Variants in MBD5 observed in about 807,000 individuals in gnomAD.
The protein encoded by MBD5 is methyl-CpG-binding domain protein 5.
In MBD5, 13 loss-of-function variants were observed where a neutral mutation model predicts 117.3. The ratio of observed to expected loss-of-function variants is 0.11; its 90% CI spans 0.07 to 0.18. The LOEUF (loss-of-function observed/expected upper bound fraction) is 0.18, where lower values mean the gene tolerates loss of function less well. Among genes scored for constraint, MBD5 ranks in the 10% least tolerant of loss-of-function variants. The pLI is 1.00. For synonymous variants in MBD5, 727 were observed against 766.4 expected (o/e 0.95, Z 0.85); for missense variants, 1,879 against 2,093.8 (o/e 0.90, Z 2.00).
At chr2:148,222,431 AT>A (rs1699712006) in intron 2 of MBD5, among the ~76,000 whole-genome samples, 1 of 151,862 alleles carries the variant, frequency 6.6e-6, no homozygotes, top group South Asian at 2.1e-4. Flanking sequence ...GTCCTCTTCA[AT>A]TTCTTTCATC....
intron 4 of MBD5, among the ~76,000 whole-genome samples, chr2:148,377,327 G>A (rs936171917): frequency 6.6e-6 from 1 of 152,116 alleles, no homozygotes; most frequent in Non-Finnish European, 1.5e-5. Context: ...GTCTACCCAG[G>A]TTAAGGGTGG....
chr2:148,412,268 C>CTTTTT (rs1191831742), intron 4 of MBD5, among the ~76,000 whole-genome samples: 4 of 93,080 alleles, frequency 4.3e-5, no homozygotes, highest in African/African-American at 2.2e-4. Flanking sequence ...TTGTAGTATA[C>CTTTTT]TTTTTGTGTG....
intron 1 of MBD5, among the ~76,000 whole-genome samples, chr2:148,121,527 C>T (rs1349036858): frequency 4.0e-5 from 6 of 151,890 alleles, no homozygotes; most frequent in Admixed American, 1.3e-4. Context: ...TTCAAGAAAC[C>T]ATTATTCAAT....
At chr2:148,393,681 C>T (rs536118481) in intron 4 of MBD5, among the ~76,000 whole-genome samples, 17 of 152,312 alleles carry the variant, frequency 1.1e-4, no homozygotes, top group Admixed American at 3.3e-4. Context: ...TCTCCTTGTC[C>T]TTGTCCATTA....
intron 1 of MBD5, among the ~76,000 whole-genome samples, chr2:148,174,745 T>C (rs1218258891): frequency 6.6e-6 from 1 of 151,162 alleles, no homozygotes; most frequent in African/African-American, 2.4e-5. Context: ...AAATCTGTAA[T>C]GATATATAAT....
chr2:148,462,869 A>G (rs1186164085), intron 6 of MBD5, among the ~76,000 whole-genome samples, 185 bp downstream of exon 6: 2 of 152,162 alleles, frequency 1.3e-5, no homozygotes, highest in African/African-American at 2.4e-5. Flanking sequence ...ATTCATGTCT[A>G]AGAGTCATTT....
chr2:148,297,989 C>G lies in MBD5; in HGVS notation c.-679-44225C>G, dbSNP rs57815112. 8.9e-3 allele frequency among the ~76,000 whole-genome samples: 1,353 copies of G among 152,324 alleles called. 11 individuals are homozygous for G. Among genetic ancestry groups the G allele is most frequent in the African/African-American group, 0.03 (1,256 of 41,568 alleles). On this transcript the variant is annotated intron_variant, in intron 3 of 13. Coordinates refer to ENST00000642680, the MANE Select transcript of MBD5 (RefSeq NM_001378120.1). ...AGCCTGAAGCTAAGGTTAGGAACAG[C>G]AGCCCACTTTTCATGCAGTGGCAAA...
At chr2:148,186,872 T>G (rs892385451) in intron 2 of MBD5, among the ~76,000 whole-genome samples, 1 of 152,146 alleles carries the variant, frequency 6.6e-6, no homozygotes, top group Non-Finnish European at 1.5e-5. Flanking sequence ...CAGCAAAGAC[T>G]TTAAAACATC....
intron 4 of MBD5, among the ~76,000 whole-genome samples, chr2:148,373,663 G>A (rs555067002): frequency 6.6e-6 from 1 of 152,038 alleles, no homozygotes; most frequent in East Asian, 1.9e-4. Context: ...CTCTCTATAT[G>A]CAAAGTACCT....
At chr2:148,068,792 A>G (rs1425887009) in intron 1 of MBD5, among the ~76,000 whole-genome samples, 4 of 152,182 alleles carry the variant, frequency 2.6e-5, no homozygotes, top group African/African-American at 9.7e-5. Context: ...ACTCTTCACT[A>G]TATTATTGTT....
chr2:148,407,849 T>C (rs1426746232), intron 4 of MBD5, among the ~76,000 whole-genome samples: 1 of 152,192 alleles, frequency 6.6e-6, no homozygotes, highest in Non-Finnish European at 1.5e-5. Context: ...CCCACTGTGT[T>C]TAATAGATGC....
chr2:148,109,413 C>G (rs1203941141), intron 1 of MBD5, among the ~76,000 whole-genome samples: 2 of 152,056 alleles, frequency 1.3e-5, no homozygotes, highest in East Asian at 3.8e-4. Flanking sequence ...ATTTTGGAAA[C>G]ATAATTATTT....
At chr2:148,380,000 C>T (rs542967870) in intron 4 of MBD5, among the ~76,000 whole-genome samples, 1 of 152,148 alleles carries the variant, frequency 6.6e-6, no homozygotes, top group Non-Finnish European at 1.5e-5. Context: ...TTAGCAATTG[C>T]TGAGGTACTC....
chr2:148,053,123 A>T (rs1313404311), intron 1 of MBD5, among the ~76,000 whole-genome samples: 1 of 152,164 alleles, frequency 6.6e-6, no homozygotes, highest in East Asian at 1.9e-4. Context: ...AGTGTTGAAG[A>T]TGCCAACTGT....
At chr2:148,435,908 A>T (rs552142793) in intron 4 of MBD5, among the ~76,000 whole-genome samples, 8 of 152,312 alleles carry the variant, frequency 5.3e-5, no homozygotes, top group African/African-American at 1.9e-4. Context: ...ATTTTGATTA[A>T]TTCAGTGATT....
At chr2:148,122,801 T>C (rs1696800430) in intron 1 of MBD5, among the ~76,000 whole-genome samples, 1 of 152,190 alleles carries the variant, frequency 6.6e-6, no homozygotes, top group Admixed American at 6.5e-5. Flanking sequence ...GCAGTGGATG[T>C]GAAAATAGCC....
intron 4 of MBD5, among the ~76,000 whole-genome samples, chr2:148,427,250 C>T (rs1705825899): frequency 6.6e-6 from 1 of 152,148 alleles, no homozygotes; most frequent in East Asian, 1.9e-4. Context: ...GTGGCGATTC[C>T]TCAGGGATCT....
intron 1 of MBD5, among the ~76,000 whole-genome samples, chr2:148,134,663 A>T (rs980914660): frequency 1.3e-5 from 2 of 152,200 alleles, no homozygotes; most frequent in African/African-American, 4.8e-5. Context: ...ACCGTCTTCT[A>T]ACTCCTCAGT....
intron 4 of MBD5, among the ~76,000 whole-genome samples, chr2:148,379,117 T>G (rs2105419325): frequency 6.6e-6 from 1 of 151,960 alleles, no homozygotes; most frequent in East Asian, 1.9e-4. Flanking sequence ...TGGCTAATGA[T>G]TTTCCAAAAA....
Sources: gnomAD v4.1 joint callset for allele counts (sites outside exome capture counted in the v4.1 genomes callset) on GRCh38, gnomAD v4.1.1 for gene constraint, MANE v1.5 for transcripts, NCBI Gene and HGNC (gene_info 2026-07-23, HGNC 2026-07-21) for gene names.